Variants in SHISA9 observed in about 807,000 individuals in gnomAD.
SHISA9 encodes shisa family member 9.
SHISA9 carries 13 observed loss-of-function variants against 38.0 expected under a neutral mutation model. That is an observed-to-expected ratio of 0.34 (90% confidence interval 0.22 to 0.54). SHISA9 has a LOEUF of 0.54. Ranked by LOEUF, SHISA9 falls within the 20% of genes least tolerant of loss-of-function variation. SHISA9 has a pLI of 0.91. For synonymous variants in SHISA9, 275 were observed against 242.0 expected (o/e 1.14, Z -1.27); for missense variants, 538 against 575.8 (o/e 0.93, Z 0.67).
chr16:12,971,763 G>A (rs189582178), intron 2 of SHISA9, among the ~76,000 whole-genome samples: 1 of 152,148 alleles, frequency 6.6e-6, no homozygotes, highest in African/African-American at 2.4e-5. Flanking sequence ...AGCAGCCAAA[G>A]TAAGGAAAAT....
chr16:13,327,099 C>T, the SHISA9 span, among the ~76,000 whole-genome samples: 3 of 152,126 alleles, frequency 2.0e-5, no homozygotes, highest in Admixed American at 6.5e-5. Flanking sequence ...AAAGTCTTGC[C>T]TTCAGGACAC....
intron 2 of SHISA9, among the ~76,000 whole-genome samples, chr16:12,986,841 A>C (rs1596566161): frequency 6.6e-6 from 1 of 152,204 alleles, no homozygotes; most frequent in African/African-American, 2.4e-5. Flanking sequence ...AGGCAAAGGA[A>C]CCTGCCCAGG....
At chr16:13,000,352 T>G (rs1031876172) in intron 2 of SHISA9, among the ~76,000 whole-genome samples, 1 of 151,446 alleles carries the variant, frequency 6.6e-6, no homozygotes, top group Non-Finnish European at 1.5e-5. Context: ...AAAGCAAGAG[T>G]AGGGAAGGGG....
intron 2 of SHISA9, among the ~76,000 whole-genome samples, chr16:13,172,707 CA>C (rs1415640646): frequency 6.7e-6 from 1 of 149,906 alleles, no homozygotes; most frequent in Non-Finnish European, 1.5e-5. Flanking sequence ...CAAGAACAAT[CA>C]TATGACTTAA....
At chr16:13,130,495 A>G (rs1018954024) in intron 2 of SHISA9, among the ~76,000 whole-genome samples, 2 of 152,074 alleles carry the variant, frequency 1.3e-5, no homozygotes, top group Non-Finnish European at 2.9e-5. Context: ...CCACATCCTT[A>G]TATTTCTTGG....
the SHISA9 span, among the ~76,000 whole-genome samples, chr16:13,294,483 C>T: frequency 3.9e-5 from 6 of 152,204 alleles, no homozygotes; most frequent in Non-Finnish European, 8.8e-5. Context: ...TTAGTGGAAA[C>T]ACATGAAGCC....
intron 2 of SHISA9, among the ~76,000 whole-genome samples, chr16:12,973,494 G>C (rs376928142): frequency 3.3e-5 from 5 of 152,278 alleles, no homozygotes; most frequent in Admixed American, 6.5e-5. Flanking sequence ...GAAACATTTC[G>C]ACTTCAGAGC....
At chr16:13,481,686 G>A in the SHISA9 span, among the ~76,000 whole-genome samples, 1 of 152,172 alleles carries the variant, frequency 6.6e-6, no homozygotes, top group Admixed American at 6.5e-5. Context: ...TTATTGTTGA[G>A]CAAATGAATG....
chr16:13,494,369 A>G, the SHISA9 span, among the ~76,000 whole-genome samples: 1 of 152,236 alleles, frequency 6.6e-6, no homozygotes, highest in South Asian at 2.1e-4. Flanking sequence ...AAAGAACCCC[A>G]GAAACCCAAA....
intron 2 of SHISA9, among the ~76,000 whole-genome samples, chr16:12,953,088 G>C (rs1348744291): frequency 1.5e-4 from 23 of 152,062 alleles, no homozygotes; most frequent in Admixed American, 1.4e-3. Context: ...AGGAATAGAA[G>C]GTGATGTGTG....
At position 13,185,396 on chromosome 16, in the gene SHISA9, G is replaced by A. The variant is rs566078587; in HGVS notation, c.692-17998G>A. Among the ~76,000 whole-genome samples, 39 of 152,176 alleles carry A rather than the reference G, an allele frequency of 2.6e-4. 2 individuals carry two copies. Among genetic ancestry groups the A allele is most frequent in the Middle Eastern group, 6.8e-3 (2 of 294 alleles). ...AAAAATTTTTTTGGTAGAGATGGAG[G>A]TCTTGCTATGCTGCCTAGGATGGTG... On this transcript the variant is annotated intron_variant, in intron 2 of 4. Coordinates refer to ENST00000558583, the MANE Select transcript of SHISA9 (RefSeq NM_001145204.3).
In SHISA9 at chr16:13,014,843, G is replaced by A. The variant is rs190466041; in HGVS notation, c.691+98028G>A. 6.2e-3 allele frequency among the ~76,000 whole-genome samples: 939 copies of A among 152,334 alleles called. 11 individuals are homozygous for A. The highest frequency in any genetic ancestry group is 0.022 in the African/African-American group (905 of 41,590). On this transcript the variant is annotated intron_variant, in intron 2 of 4. Transcript: ENST00000558583. ...TATTATGAACTCACAAGACTTCAAA[G>A]ACACTCCTGTGATGTTTTCCATTGC...
the SHISA9 span, among the ~76,000 whole-genome samples, chr16:13,352,706 G>T: frequency 1.3e-3 from 13 of 10,330 alleles, 1 homozygote; most frequent in East Asian, 0.066. Context: ...ATAAGGGGGG[G>T]GGGGGGCGGG....
At chr16:13,377,706 C>G in the SHISA9 span, among the ~76,000 whole-genome samples, 2 of 152,264 alleles carry the variant, frequency 1.3e-5, no homozygotes, top group East Asian at 1.9e-4. Flanking sequence ...TTGGGAATAT[C>G]CTTTCTCTAT....
the SHISA9 span, among the ~76,000 whole-genome samples, chr16:13,284,557 C>A: frequency 6.6e-6 from 1 of 152,116 alleles, no homozygotes; most frequent in Non-Finnish European, 1.5e-5. Flanking sequence ...TCAGCTCTTT[C>A]TTTAGCTCAG....
chr16:12,998,672 A>C lies in SHISA9; in HGVS notation c.691+81857A>C, dbSNP rs554851729. 2.0e-5 allele frequency among the ~76,000 whole-genome samples: 3 copies of C among 152,292 alleles called. No individual in the cohort carries two copies. In the East Asian group the frequency reaches 5.8e-4, roughly 29 times the overall value. On this transcript the variant is annotated intron_variant, in intron 2 of 4. Coordinates refer to ENST00000558583, the MANE Select transcript of SHISA9 (RefSeq NM_001145204.3). ...GGTCTTCCTGAGTAGCTAGGATTACAGGCATGGGCCCCCATGCTTGACTAA... is the reference window on the plus strand; with the variant it reads ...GGTCTTCCTGAGTAGCTAGGATTACCGGCATGGGCCCCCATGCTTGACTAA...
At position 13,145,437 on chromosome 16, in the gene SHISA9, G is replaced by T. The variant is rs182193549; in HGVS notation, c.692-57957G>T. ...AGCTACTCGGGAGGCTGAGGCAGGAGAATTGCTTGAACCCGGGAGGCGGGA... is the reference window on the plus strand; with the variant it reads ...AGCTACTCGGGAGGCTGAGGCAGGATAATTGCTTGAACCCGGGAGGCGGGA... On this transcript the variant is annotated intron_variant, in intron 2 of 4. Transcript: ENST00000558583. 3.3e-5 allele frequency among the ~76,000 whole-genome samples: 5 copies of T among 152,334 alleles called. No individual in the cohort carries two copies. The East Asian group carries it at 7.7e-4, about 24-fold the overall frequency.
At chr16:13,069,128 T>C (rs1473871709) in intron 2 of SHISA9, among the ~76,000 whole-genome samples, 1 of 152,094 alleles carries the variant, frequency 6.6e-6, no homozygotes, top group African/African-American at 2.4e-5. Flanking sequence ...AATGTGTATA[T>C]GCACATATGT....
rs538085502 is a variant in SHISA9 at position 13,027,792 on chromosome 16, T to C, written c.691+110977T>C. On this transcript the variant is annotated intron_variant, in intron 2 of 4. Transcript: ENST00000558583. Reference sequence around the variant, plus strand: ...AAGTACAAAAATTAGCTGGGTATGGTGGTGCACTCCTGTAATCCCAGCTGC... The same window carrying C: ...AAGTACAAAAATTAGCTGGGTATGGCGGTGCACTCCTGTAATCCCAGCTGC... Among the ~76,000 whole-genome samples the C allele has an allele frequency of 6.6e-5, 10 of 151,764 alleles. No homozygotes were observed. The East Asian group carries it at 1.9e-3, about 29-fold the overall frequency.
Sources: gnomAD v4.1 joint callset for allele counts (sites outside exome capture counted in the v4.1 genomes callset) on GRCh38, gnomAD v4.1.1 for gene constraint, MANE v1.5 for transcripts, NCBI Gene and HGNC (gene_info 2026-07-23, HGNC 2026-07-21) for gene names.